LRMDA: variants seen among roughly 807,000 people sequenced by gnomAD.
LRMDA encodes the protein leucine rich melanocyte differentiation associated.
In LRMDA, 18 loss-of-function variants were observed where a neutral mutation model predicts 29.8. That is an observed-to-expected ratio of 0.60 (90% confidence interval 0.42 to 0.90). The LOEUF (loss-of-function observed/expected upper bound fraction) is 0.90, where lower values mean the gene tolerates loss of function less well. Among genes scored for constraint, LRMDA ranks in the 40% least tolerant of loss-of-function variants. The pLI, the probability that LRMDA is intolerant of heterozygous loss-of-function variation, is 0.00. For missense variants in LRMDA, 273 were observed against 273.9 expected (o/e 1.00, Z 0.02); for synonymous variants, 125 against 109.4 (o/e 1.14, Z -0.89).
chr10:75,504,964 G>C (rs377610543), intron 2 of LRMDA, among the ~76,000 whole-genome samples: 17 of 152,094 alleles, frequency 1.1e-4, no homozygotes, highest in African/African-American at 4.1e-4. Flanking sequence ...TGTCATCCTT[G>C]GCTGTTGCAG....
chr10:76,135,537 G>C (rs1234087523), intron 5 of LRMDA, among the ~76,000 whole-genome samples: 2 of 152,134 alleles, frequency 1.3e-5, no homozygotes, highest in Non-Finnish European at 2.9e-5. Flanking sequence ...CAACCAACTA[G>C]GTGGTTTAAA....
intron 5 of LRMDA, among the ~76,000 whole-genome samples, chr10:76,295,444 G>T (rs997244869): frequency 1.1e-4 from 16 of 152,168 alleles, no homozygotes; most frequent in African/African-American, 3.6e-4. Flanking sequence ...TTCCTTGTTT[G>T]TATTCAGGTT....
intron 2 of LRMDA, among the ~76,000 whole-genome samples, chr10:76,005,112 C>T (rs1847627377): frequency 6.6e-6 from 1 of 152,076 alleles, no homozygotes; most frequent in African/African-American, 2.4e-5. Flanking sequence ...CAGATTTATC[C>T]CCCTCCAACA....
intron 2 of LRMDA, among the ~76,000 whole-genome samples, chr10:76,035,796 CG>C (rs1325882435): frequency 6.6e-6 from 1 of 152,216 alleles, no homozygotes; most frequent in African/African-American, 2.4e-5. Context: ...GTTGGCAATG[CG>C]TGAAGGATGC....
At chr10:75,912,173 C>T (rs113280921) in intron 2 of LRMDA, among the ~76,000 whole-genome samples, 24 of 152,186 alleles carry the variant, frequency 1.6e-4, no homozygotes, top group African/African-American at 5.8e-4. Flanking sequence ...TTACTCATTT[C>T]CCCCCCTTCC....
chr10:75,500,310 C>T (rs1048289891), intron 2 of LRMDA, among the ~76,000 whole-genome samples: 10 of 152,284 alleles, frequency 6.6e-5, no homozygotes, highest in East Asian at 3.9e-4. Context: ...GGCCTACCTT[C>T]GCTAAGTGCT....
chr10:76,310,183 C>T (rs1340728318), intron 5 of LRMDA, among the ~76,000 whole-genome samples: 1 of 152,182 alleles, frequency 6.6e-6, no homozygotes, highest in Non-Finnish European at 1.5e-5. Context: ...TTCACCAAAG[C>T]TGAATGCCAG....
intron 2 of LRMDA, among the ~76,000 whole-genome samples, chr10:75,657,908 G>A (rs1210332989): frequency 2.0e-5 from 3 of 152,058 alleles, no homozygotes; most frequent in Non-Finnish European, 4.4e-5. Flanking sequence ...GACTATCAGT[G>A]TGTATGCTCT....
intron 5 of LRMDA, among the ~76,000 whole-genome samples, chr10:76,302,537 G>T (rs1206249981): frequency 6.6e-6 from 1 of 152,040 alleles, no homozygotes; most frequent in Admixed American, 6.5e-5. Flanking sequence ...TTTTTGGGGG[G>T]TGGTGGTGGG....
chr10:76,158,522 T>C (rs1391775857), intron 5 of LRMDA, among the ~76,000 whole-genome samples: 2 of 151,928 alleles, frequency 1.3e-5, no homozygotes, highest in African/African-American at 2.4e-5. Flanking sequence ...AAATGAAAAC[T>C]GATATATTTT....
chr10:75,668,856 C>A (rs1841856851), intron 2 of LRMDA, among the ~76,000 whole-genome samples: 1 of 152,208 alleles, frequency 6.6e-6, no homozygotes, highest in Non-Finnish European at 1.5e-5. Context: ...TTGCTAATTT[C>A]TTCAGCAAAT....
chr10:76,514,800 T>A (rs1315700980), intron 6 of LRMDA, among the ~76,000 whole-genome samples: 1 of 152,122 alleles, frequency 6.6e-6, no homozygotes, highest in Admixed American at 6.5e-5. Flanking sequence ...GTAATGCCAT[T>A]GTAGCATGCT....
At chr10:75,516,721 A>T (rs1845294365) in intron 2 of LRMDA, among the ~76,000 whole-genome samples, 1 of 151,898 alleles carries the variant, frequency 6.6e-6, no homozygotes, top group South Asian at 2.1e-4. Flanking sequence ...CCCATTTGTC[A>T]ATTTTGGCTT....
chr10:76,536,971 TTAAA>T (rs1398874353), intron 6 of LRMDA, among the ~76,000 whole-genome samples: 15 of 152,228 alleles, frequency 9.9e-5, no homozygotes, highest in African/African-American at 3.4e-4. Context: ...CTGTCATTCT[TTAAA>T]TAAGAGCTTT....
intron 2 of LRMDA, among the ~76,000 whole-genome samples, chr10:75,980,815 C>T (rs914590771): frequency 1.3e-5 from 2 of 152,128 alleles, no homozygotes; most frequent in Non-Finnish European, 2.9e-5. Flanking sequence ...CATTTTCTGC[C>T]CTTTTTATCC....
In LRMDA at chr10:75,727,257, G is replaced by A. The variant is rs557857092; in HGVS notation, c.131+288763G>A. On this transcript the variant is annotated intron_variant, in intron 2 of 6. Coordinates refer to ENST00000611255, the MANE Select transcript of LRMDA (RefSeq NM_001305581.2). ...ATGGAATCTCGATCAGTTAAAAAGCGTAGGAGATATGAAAGGTCAGCATGA... is the reference window on the plus strand; with the variant it reads ...ATGGAATCTCGATCAGTTAAAAAGCATAGGAGATATGAAAGGTCAGCATGA... Among the ~76,000 whole-genome samples, 9 of 152,318 alleles carry A rather than the reference G, an allele frequency of 5.9e-5. No individual in the cohort carries two copies. The East Asian group carries it at 7.7e-4, about 13-fold the overall frequency.
chr10:76,015,580 G>C (rs1430161433), intron 2 of LRMDA, among the ~76,000 whole-genome samples: 2 of 152,174 alleles, frequency 1.3e-5, no homozygotes, highest in Non-Finnish European at 2.9e-5. Flanking sequence ...CATCACGTCT[G>C]CAGGATTCTG....
chr10:76,267,216 A>T (rs1196936504), intron 5 of LRMDA, among the ~76,000 whole-genome samples: 1 of 151,900 alleles, frequency 6.6e-6, no homozygotes. Context: ...TGTTTTTTTT[A>T]AACAGCTATT....
chr10:75,799,952 C>A (rs1473337071), intron 2 of LRMDA, among the ~76,000 whole-genome samples: 1 of 152,100 alleles, frequency 6.6e-6, no homozygotes, highest in Non-Finnish European at 1.5e-5. Flanking sequence ...GCACATTTGA[C>A]TGTAATTCTG....
Sources: gnomAD v4.1 joint callset for allele counts (sites outside exome capture counted in the v4.1 genomes callset) on GRCh38, gnomAD v4.1.1 for gene constraint, MANE v1.5 for transcripts, NCBI Gene and HGNC (gene_info 2026-07-23, HGNC 2026-07-21) for gene names.